SKAP1: variants seen among roughly 807,000 people sequenced by gnomAD.
SKAP1 encodes src kinase associated phosphoprotein 1.
A neutral mutation model predicts 58.5 loss-of-function variants in SKAP1; 44 were observed. The ratio of observed to expected loss-of-function variants is 0.75; its 90% confidence interval spans 0.59 to 0.97. SKAP1 has a LOEUF of 0.97. SKAP1 is among the 50% of genes least tolerant of loss of function. The probability of loss-of-function intolerance (pLI) is 0.00; values close to 1 mark genes in which losing one functional copy is unlikely to be tolerated. For synonymous variants in SKAP1, 127 were observed against 149.7 expected (o/e 0.85, Z 1.11); for missense variants, 390 against 435.2 (o/e 0.90, Z 0.92).
At chr17:48,248,235 T>G (rs1442783964) in intron 4 of SKAP1, among the ~76,000 whole-genome samples, 2 of 152,182 alleles carry the variant, frequency 1.3e-5, no homozygotes, top group Non-Finnish European at 2.9e-5. Context: ...CTTCACCAAG[T>G]AATTATTATT....
At chr17:48,150,108 G>A (rs2063883078) in intron 11 of SKAP1, among the ~76,000 whole-genome samples, 1 of 152,186 alleles carries the variant, frequency 6.6e-6, no homozygotes, top group Non-Finnish European at 1.5e-5. Flanking sequence ...ACCTGTGAAA[G>A]GGGCTAAAAT....
upstream of SKAP1, among the ~76,000 whole-genome samples, chr17:48,432,353 C>CG (rs1567912449): frequency 6.6e-6 from 1 of 151,784 alleles, no homozygotes; most frequent in African/African-American, 2.4e-5. Context: ...CACATGAACC[C>CG]GGGGGGCGGA....
chr17:48,423,757 CTTGT>C (rs1028759144), intron 1 of SKAP1, among the ~76,000 whole-genome samples: 6 of 152,084 alleles, frequency 3.9e-5, no homozygotes, highest in African/African-American at 1.4e-4. Context: ...GGAAAACATT[CTTGT>C]TTGTTTGTTT....
intron 1 of SKAP1, among the ~76,000 whole-genome samples, chr17:48,410,123 G>A (rs922799045): frequency 7.9e-5 from 12 of 152,158 alleles, no homozygotes; most frequent in South Asian, 6.2e-4. Context: ...TTCTTATACC[G>A]CTATACATGT....
intron 4 of SKAP1, among the ~76,000 whole-genome samples, chr17:48,322,462 G>A (rs889633280): frequency 2.6e-5 from 4 of 152,198 alleles, no homozygotes; most frequent in African/African-American, 7.2e-5. Context: ...AAGGTATAAC[G>A]GAAAGAGTGG....
chr17:48,314,542 G>C (rs2066264568), intron 4 of SKAP1, among the ~76,000 whole-genome samples: 1 of 152,106 alleles, frequency 6.6e-6, no homozygotes, highest in African/African-American at 2.4e-5. Context: ...AAAAAAAGTA[G>C]GTGGCTAAAC....
At chr17:48,275,969 A>C (rs1300922674) in intron 4 of SKAP1, among the ~76,000 whole-genome samples, 1 of 152,146 alleles carries the variant, frequency 6.6e-6, no homozygotes, top group Non-Finnish European at 1.5e-5. Context: ...GATAACATGA[A>C]GGGGATGAGA....
chr17:48,274,803 AGTAACTGG>A (rs2065678994), intron 4 of SKAP1, among the ~76,000 whole-genome samples: 1 of 152,006 alleles, frequency 6.6e-6, no homozygotes, highest in African/African-American at 2.4e-5. Context: ...CAGCCTCCTG[AGTAACTGG>A]GATTATAGGT....
At chr17:48,370,168 AG>A (rs2067065071) in intron 2 of SKAP1, among the ~76,000 whole-genome samples, 1 of 152,194 alleles carries the variant, frequency 6.6e-6, no homozygotes, top group Admixed American at 6.5e-5. Flanking sequence ...GCCATTAAAA[AG>A]TTTGCAAAAA....
chr17:48,276,058 A>G (rs2065695484), intron 4 of SKAP1, among the ~76,000 whole-genome samples: 1 of 152,222 alleles, frequency 6.6e-6, no homozygotes, highest in South Asian at 2.1e-4. Context: ...AAGGTTGATC[A>G]GTCCCCAATG....
At chr17:48,193,838 T>C in intron 4 of SKAP1, 4 of 602,574 alleles carry the variant, frequency 6.6e-6, no homozygotes, top group Non-Finnish European at 8.3e-6. Context: ...TAAAATATGC[T>C]TTAAAGGACG....
chr17:48,304,823 A>C (rs2066114442), intron 4 of SKAP1, among the ~76,000 whole-genome samples: 4 of 152,214 alleles, frequency 2.6e-5, no homozygotes, highest in Admixed American at 2.6e-4. Flanking sequence ...TTGAATTAAA[A>C]AATTTCTTTA....
intron 4 of SKAP1, among the ~76,000 whole-genome samples, chr17:48,309,536 C>A (rs2066193661): frequency 6.6e-6 from 1 of 151,996 alleles, no homozygotes; most frequent in Non-Finnish European, 1.5e-5. Flanking sequence ...CACATAAAAC[C>A]TTGTTTGTAT....
At chr17:48,153,373 T>C (rs979203235) in intron 11 of SKAP1, among the ~76,000 whole-genome samples, 1 of 152,162 alleles carries the variant, frequency 6.6e-6, no homozygotes, top group African/African-American at 2.4e-5. Context: ...TTCTAGACGA[T>C]TGGTTCCTGT....
chr17:48,229,612 C>T (rs1024600333), intron 4 of SKAP1, among the ~76,000 whole-genome samples: 1 of 151,994 alleles, frequency 6.6e-6, no homozygotes, highest in South Asian at 2.1e-4. Context: ...CAGAGTGAGA[C>T]TCTGTCTCAA....
chr17:48,299,099 C>T (rs1174306117), intron 4 of SKAP1, among the ~76,000 whole-genome samples: 1 of 152,148 alleles, frequency 6.6e-6, no homozygotes, highest in Non-Finnish European at 1.5e-5. Flanking sequence ...TGAGCATTTT[C>T]ATTTCATGTG....
chr17:48,392,855 CAA>C (rs71366868), intron 2 of SKAP1, among the ~76,000 whole-genome samples: 57 of 140,358 alleles, frequency 4.1e-4, no homozygotes, highest in South Asian at 3.7e-3. Context: ...GACTCGGTCT[CAA>C]AAAAAATATA....
intron 2 of SKAP1, among the ~76,000 whole-genome samples, chr17:48,378,461 T>A (rs1598631929): frequency 6.6e-6 from 1 of 152,152 alleles, no homozygotes; most frequent in Non-Finnish European, 1.5e-5. Context: ...CAGCTGTTAG[T>A]CATTAGCACC....
intron 4 of SKAP1, among the ~76,000 whole-genome samples, chr17:48,298,938 T>C (rs1046637436): frequency 1.3e-5 from 2 of 152,180 alleles, no homozygotes; most frequent in African/African-American, 4.8e-5. Flanking sequence ...ATGTTTAATA[T>C]TCAGTGGTAT....
Sources: allele counts gnomAD v4.1 joint callset (sites outside exome capture counted in the v4.1 genomes callset), GRCh38; gene constraint gnomAD v4.1.1; transcripts MANE v1.5; gene names NCBI Gene and HGNC (gene_info 2026-07-23, HGNC 2026-07-21).